PACRGL: variants seen among roughly 807,000 people sequenced by gnomAD.
PACRGL encodes the protein parkin coregulated like.
Under a neutral mutation model 34.5 loss-of-function variants are expected in PACRGL, and 38 were observed. The observed-to-expected ratio is 1.10, with a 90% CI of 0.85 to 1.44. PACRGL has a LOEUF of 1.44. Among genes scored for constraint, PACRGL ranks in the 40% most tolerant of loss-of-function variants. The pLI is 0.00. For missense variants in PACRGL, 305 were observed against 281.4 expected (o/e 1.08, Z -0.60); for synonymous variants, 128 against 100.1 (o/e 1.28, Z -1.66).
upstream of PACRGL, chr4:20,700,264 C>G (rs1027970054): frequency 1.7e-4 from 26 of 152,288 alleles, no homozygotes; most frequent in African/African-American, 6.0e-4. Flanking sequence ...CATCCTCCAC[C>G]ACGTGCCCCT....
In PACRGL at chr4:20,728,520, C is replaced by T; in HGVS notation, c.*1179C>T. 6.6e-6 allele frequency: 1 copy of T among 152,260 alleles called. No homozygotes were observed. Among genetic ancestry groups the T allele is most frequent in the East Asian group, 1.9e-4 (1 of 5,190 alleles). The allele number at this position is 152,260 out of a possible 1,614,324, so 9.4% of individuals were successfully genotyped here. On this transcript the variant is annotated 3_prime_UTR_variant, in exon 9 of 9. Coordinates refer to ENST00000503585, the MANE Select transcript of PACRGL (RefSeq NM_001258345.3). ...TTACCTGTTTTCATTGCATTGAGCA[C>T]CATCCAGAGCTATCTGCCATCTAGA...
In PACRGL at chr4:20,749,593, C is replaced by G. The variant is rs1381602701; in HGVS notation, c.*57-2972C>G. ...CTGAGCAAAAATAATCATCACCAAA[C>G]TCACATTTTCCCCCTAAAAAGACTA... is the stretch of plus-strand genomic sequence containing the variant. On this transcript the variant is annotated intron_variant, in intron 8 of 8. Transcript: ENST00000507634. The G allele has an allele frequency of 3.6e-6, 4 of 1,103,020 alleles. No individual in the cohort carries two copies. The African/African-American group carries it at 6.3e-5, about 17-fold the overall frequency. The allele number at this position is 1,103,020 out of a possible 1,614,324, so 68.3% of individuals were successfully genotyped here.
chr4:20,716,078 C>T (rs115364879), intron 7 of PACRGL: 4 of 1,515,988 alleles, frequency 2.6e-6, no homozygotes, highest in African/African-American at 2.8e-5. Flanking sequence ...ATATGTATAA[C>T]TTTAATCTTT....
At chr4:20,724,456 T>G (rs1355044869) in intron 7 of PACRGL, among the ~76,000 whole-genome samples, 1 of 152,166 alleles carries the variant, frequency 6.6e-6, no homozygotes, top group Non-Finnish European at 1.5e-5. Context: ...CTTTGTCTTC[T>G]CTTCCCTTTT....
At chr4:20,739,932 A>T (rs1415578405) in intron 8 of PACRGL, among the ~76,000 whole-genome samples, 1 of 152,192 alleles carries the variant, frequency 6.6e-6, no homozygotes, top group Non-Finnish European at 1.5e-5. Flanking sequence ...ATGGCACAAG[A>T]ACTATCTGAT....
In PACRGL at chr4:20,738,170, A is replaced by C. The variant is rs12646294; in HGVS notation, c.*56+10773A>C. Among the ~76,000 whole-genome samples the C allele has an allele frequency of 2.3e-3, 349 of 152,272 alleles. 8 individuals carry two copies. The South Asian group carries it at 0.046, about 20-fold the overall frequency. Reference sequence around the variant, plus strand: ...ATCCTTAGCTTTTTCAGAAGGCATAAAATATACATTGCAGAACATAGAGCC... The same window carrying C: ...ATCCTTAGCTTTTTCAGAAGGCATACAATATACATTGCAGAACATAGAGCC... On this transcript the variant is annotated intron_variant, in intron 8 of 8. Transcript: ENST00000507634.
rs571265379 is a variant in PACRGL, at chr4:20,704,155, G to A, written c.-16-311G>A. On this transcript the variant is annotated intron_variant, in intron 1 of 8. Coordinates refer to ENST00000503585, the MANE Select transcript of PACRGL (RefSeq NM_001258345.3). Reference sequence around the variant, plus strand: ...ACCAACCACTCCTTTCAGAAATCTAGTCTGTGTTTTCTAATGTGGTCAGAG... The same window carrying A: ...ACCAACCACTCCTTTCAGAAATCTAATCTGTGTTTTCTAATGTGGTCAGAG... 2.0e-4 allele frequency among the ~76,000 whole-genome samples: 31 copies of A among 152,296 alleles called. No homozygotes were observed. The South Asian group carries it at 6.4e-3, about 32-fold the overall frequency.
chr4:20,733,366 C>A (rs1464073452), downstream of PACRGL, among the ~76,000 whole-genome samples: 1 of 152,086 alleles, frequency 6.6e-6, no homozygotes, highest in African/African-American at 2.4e-5. Flanking sequence ...CTAAAACAGT[C>A]TAATTTTTGC....
intron 7 of PACRGL, 131 bp downstream of exon 7, chr4:20,713,670 G>A: frequency 1.6e-6 from 1 of 635,408 alleles, no homozygotes; most frequent in East Asian, 3.0e-5. Flanking sequence ...TGCTTTGAAT[G>A]TGTCCCAGAG....
intron 3 of PACRGL, among the ~76,000 whole-genome samples, chr4:20,707,268 A>T (rs1484347794): frequency 0.016 from 2,487 of 152,300 alleles, 1 homozygote; most frequent in African/African-American, 0.057. Flanking sequence ...ATATATAGCA[A>T]AACTGAAAGG....
chr4:20,762,603 G>A, the PACRGL span, among the ~76,000 whole-genome samples: 3 of 152,198 alleles, frequency 2.0e-5, no homozygotes, highest in African/African-American at 7.2e-5. Context: ...TCTCTATCAA[G>A]AATGAATTTG....
intron 7 of PACRGL, among the ~76,000 whole-genome samples, chr4:20,715,239 C>G (rs1379608568): frequency 6.6e-6 from 1 of 151,970 alleles, no homozygotes; most frequent in Non-Finnish European, 1.5e-5. Context: ...CACATGGACA[C>G]AGGAAGGGTA....
intron 8 of PACRGL, among the ~76,000 whole-genome samples, chr4:20,741,367 C>A (rs973421300): frequency 6.6e-6 from 1 of 152,242 alleles, no homozygotes; most frequent in African/African-American, 2.4e-5. Flanking sequence ...TTATAACAAA[C>A]TGTCTCTCAG....
Position 20,731,631 on chromosome 4 carries a change from T to C in PACRGL, c.*4290T>C. 1 of 985,328 alleles carries C rather than the reference T, an allele frequency of 1.0e-6. No individual in the cohort carries two copies. Among genetic ancestry groups the C allele is most frequent in the Non-Finnish European group, 1.2e-6 (1 of 829,828 alleles). 61.0% of individuals were successfully genotyped at this position (985,328 alleles called of 1,614,324 possible). On this transcript the variant is annotated 3_prime_UTR_variant, in exon 9 of 9. Transcript: ENST00000503585. ...TGTTGTGATGCCATACTTGGCTATC[T>C]AGGAATTCTAATGCTGTGGAGATAT...
chr4:20,763,756 T>A, the PACRGL span, among the ~76,000 whole-genome samples: 2 of 152,198 alleles, frequency 1.3e-5, no homozygotes, highest in Non-Finnish European at 2.9e-5. Context: ...AGATGGGATC[T>A]CACTATGTTG....
upstream of PACRGL, among the ~76,000 whole-genome samples, chr4:20,697,660 CCG>C (rs1731298759): frequency 6.6e-6 from 1 of 152,126 alleles, no homozygotes; most frequent in South Asian, 2.1e-4. Context: ...TAGTGAAATA[CCG>C]TACATTGAGT....
chr4:20,712,723 C>G (rs914091948), intron 5 of PACRGL, 65 bp from the exon 6 acceptor site: 1 of 1,309,502 alleles, frequency 7.6e-7, no homozygotes, highest in Admixed American at 3.0e-5. Flanking sequence ...AGTAAAGACT[C>G]AATTTTTCTG....
At chr4:20,696,909 T>C (rs1477982128), upstream of PACRGL, among the ~76,000 whole-genome samples, 3 of 152,232 alleles carry the variant, frequency 2.0e-5, no homozygotes, top group Non-Finnish European at 4.4e-5. Context: ...TTATATTTAT[T>C]CCAAGTTGAA....
rs1747978296 is a variant in PACRGL at position 20,730,945 on chromosome 4, C to T, written c.*3604C>T. 6.6e-6 allele frequency among the ~76,000 whole-genome samples: 1 copy of T among 152,132 alleles called. No homozygotes were observed. Among genetic ancestry groups the T allele is most frequent in the African/African-American group, 2.4e-5 (1 of 41,420 alleles). On this transcript the variant is annotated 3_prime_UTR_variant, in exon 9 of 9. Coordinates refer to ENST00000503585, the MANE Select transcript of PACRGL (RefSeq NM_001258345.3). Reference sequence around the variant, plus strand: ...CTTAATGTCACCAAATTAATTCTCTCAAAGACCACTGCATGGAAATCCAAG... The same window carrying T: ...CTTAATGTCACCAAATTAATTCTCTTAAAGACCACTGCATGGAAATCCAAG...
Sources: allele counts gnomAD v4.1 joint callset (sites outside exome capture counted in the v4.1 genomes callset), GRCh38; gene constraint gnomAD v4.1.1; transcripts MANE v1.5; gene names NCBI Gene and HGNC (gene_info 2026-07-23, HGNC 2026-07-21).